Variants in WDR72 observed in about 807,000 individuals in gnomAD.
WDR72 encodes the protein WD repeat-containing protein 72.
WDR72 carries 120 observed loss-of-function variants against 124.2 expected under a neutral mutation model. That is an observed-to-expected ratio of 0.97 (90% CI 0.83 to 1.12). The LOEUF (loss-of-function observed/expected upper bound fraction) is 1.12, where lower values mean the gene tolerates loss of function less well. Ranked by LOEUF, WDR72 falls within the 50% of genes most tolerant of loss-of-function variation. The probability of loss-of-function intolerance (pLI) is 0.00; values close to 1 mark genes in which losing one functional copy is unlikely to be tolerated. For missense variants in WDR72, 1,387 were observed against 1,278.8 expected (o/e 1.08, Z -1.29); for synonymous variants, 452 against 441.7 (o/e 1.02, Z -0.29).
intron 18 of WDR72, among the ~76,000 whole-genome samples, chr15:53,573,606 C>T (rs987370177): frequency 6.6e-6 from 1 of 151,608 alleles, no homozygotes; most frequent in Non-Finnish European, 1.5e-5. Flanking sequence ...AGTGCAGTGG[C>T]ACGATCTCAG....
intron 1 of WDR72, among the ~76,000 whole-genome samples, chr15:53,736,050 T>TA (rs879337912): frequency 1.0e-4 from 15 of 150,034 alleles, no homozygotes; most frequent in Admixed American, 1.3e-4. Context: ...AAGAAGTCAT[T>TA]AAAAAAAAAT....
intron 14 of WDR72, among the ~76,000 whole-genome samples, chr15:53,632,020 G>C (rs1290779471): frequency 6.6e-6 from 1 of 152,138 alleles, no homozygotes; most frequent in Non-Finnish European, 1.5e-5. Flanking sequence ...AATTCAAGCA[G>C]GCTGCACAAA....
chr15:53,730,896 ATTT>A (rs1269673083), intron 2 of WDR72, among the ~76,000 whole-genome samples: 6 of 152,004 alleles, frequency 3.9e-5, no homozygotes, highest in African/African-American at 1.5e-4. Context: ...AGTGCCCTTG[ATTT>A]TTTTCAGTCT....
At chr15:53,709,950 C>T (rs1385010304) in intron 9 of WDR72, among the ~76,000 whole-genome samples, 1 of 152,160 alleles carries the variant, frequency 6.6e-6, no homozygotes, top group Non-Finnish European at 1.5e-5. Context: ...CTTCCACTCT[C>T]CATGAAATAA....
chr15:53,714,421 T>C lies in WDR72; in HGVS notation c.591+13A>G. 6.2e-7 allele frequency: 1 copy of C among 1,610,976 alleles called. No homozygotes were observed. The highest frequency in any genetic ancestry group is 8.5e-7 in the Non-Finnish European group (1 of 1,177,502). ...AAATTGTAAGGAAAAAAGAGTAGGG[T>C]TCCCAAGCCAACCTGAATGCTGTTG... On this transcript the variant is annotated intron_variant, in intron 6 of 19. Coordinates refer to ENST00000360509, the MANE Select transcript of WDR72 (RefSeq NM_182758.4).
chr15:53,557,896 G>C (rs911001086), intron 18 of WDR72, among the ~76,000 whole-genome samples: 1 of 152,024 alleles, frequency 6.6e-6, no homozygotes, highest in African/African-American at 2.4e-5. Flanking sequence ...ACAGATTGAG[G>C]AGGTGAGATT....
Position 53,626,284 on chromosome 15 carries a change from C to T in WDR72, c.1963-10041G>A, listed in dbSNP as rs1254936543. The stretch of plus-strand genomic sequence containing the variant: ...AGAAGCCGTGGGTCACGGAAGAGAA[C>T]CGTGGGACCCAGTGACTAGTGTTCA... On this transcript the variant is annotated intron_variant, in intron 14 of 19. Transcript: ENST00000360509. Among the ~76,000 whole-genome samples, 4 of 152,180 alleles carry T rather than the reference C, an allele frequency of 2.6e-5. No individual in the cohort carries two copies. In the South Asian group the frequency reaches 6.2e-4, roughly 24 times the overall value.
At chr15:53,718,184 C>G (rs1450245754) in intron 3 of WDR72, among the ~76,000 whole-genome samples, 3 of 149,582 alleles carry the variant, frequency 2.0e-5, no homozygotes, top group South Asian at 2.1e-4. Flanking sequence ...AATTCCATGA[C>G]TCTGTGTTGG....
chr15:53,536,386 T>C (rs1892763391), intron 18 of WDR72, among the ~76,000 whole-genome samples: 1 of 152,090 alleles, frequency 6.6e-6, no homozygotes, highest in Admixed American at 6.5e-5. Context: ...ATTGGCAAGA[T>C]GTAGTTAGAA....
In WDR72 at chr15:53,613,731, T is replaced by G. The variant is rs1490781559; in HGVS notation, c.2807A>C (p.Asn936Thr). 1 of 1,608,886 alleles carries G rather than the reference T, an allele frequency of 6.2e-7. No individual in the cohort carries two copies. The highest frequency in any genetic ancestry group is 1.1e-5 in the South Asian group (1 of 90,964). Residue 936 changes from asparagine to threonine, a missense_variant, in exon 16 of 20, where the codon AAT (asparagine) becomes ACT (threonine). Transcript: ENST00000360509. ...GSSFRMESIH[N>T]KMRGAGNDIL... is the part of the protein sequence containing the mutation. ...GTCATTCCCAGCACCTCTCATCTTA[T>G]TATGTATACTTTCCATTCTGAAAGA...
intron 1 of WDR72, among the ~76,000 whole-genome samples, chr15:53,749,876 C>T (rs1227773118): frequency 1.3e-5 from 2 of 152,130 alleles, no homozygotes; most frequent in East Asian, 1.9e-4. Context: ...CTCTAACTCT[C>T]CTCAATTTTA....
intron 1 of WDR72, among the ~76,000 whole-genome samples, chr15:53,743,969 G>A (rs1343230269): frequency 3.6e-5 from 4 of 111,464 alleles, no homozygotes; most frequent in Non-Finnish European, 5.6e-5. Context: ...AGCGAGACTC[G>A]TCTCAAAAAA....
intron 12 of WDR72, 21 bp downstream of exon 12, chr15:53,702,113 A>G: frequency 6.4e-7 from 1 of 1,573,636 alleles, no homozygotes; most frequent in Non-Finnish European, 8.7e-7. Flanking sequence ...TTTAGATGTT[A>G]TATTTTACTC....
At chr15:53,689,129 C>G (rs2016748949) in intron 13 of WDR72, among the ~76,000 whole-genome samples, 1 of 152,198 alleles carries the variant, frequency 6.6e-6, no homozygotes, top group Non-Finnish European at 1.5e-5. Flanking sequence ...AAAACCTAGG[C>G]ATTACCATTC....
At chr15:53,682,577 TCA>T (rs1237452633) in intron 13 of WDR72, among the ~76,000 whole-genome samples, 1 of 152,070 alleles carries the variant, frequency 6.6e-6, no homozygotes, top group Non-Finnish European at 1.5e-5. Context: ...ATAATCCAGG[TCA>T]CCTCTTGAAT....
intron 3 of WDR72, among the ~76,000 whole-genome samples, chr15:53,717,034 T>TAACC (rs2017733386): frequency 6.6e-6 from 1 of 151,876 alleles, no homozygotes; most frequent in Non-Finnish European, 1.5e-5. Flanking sequence ...GAACTTAAAC[T>TAACC]ACATATTCTG....
intron 1 of WDR72, among the ~76,000 whole-genome samples, chr15:53,754,387 G>T (rs1313113653): frequency 2.0e-5 from 3 of 152,044 alleles, no homozygotes; most frequent in African/African-American, 4.8e-5. Flanking sequence ...GAAAGGGCTT[G>T]CCTGAACCTA....
intron 1 of WDR72, among the ~76,000 whole-genome samples, chr15:53,753,897 C>A (rs1453594938): frequency 6.6e-6 from 1 of 152,074 alleles, no homozygotes; most frequent in Non-Finnish European, 1.5e-5. Context: ...AATCTAAATC[C>A]CCTGGCTACG....
chr15:53,723,365 T>G (rs1191967557), intron 2 of WDR72, among the ~76,000 whole-genome samples: 1 of 152,194 alleles, frequency 6.6e-6, no homozygotes, highest in Admixed American at 6.5e-5. Context: ...GGTACAGCTA[T>G]TTTTAAAAAC....
Sources: allele counts gnomAD v4.1 joint callset (sites outside exome capture counted in the v4.1 genomes callset), GRCh38; gene constraint gnomAD v4.1.1; transcripts MANE v1.5; gene names NCBI Gene and HGNC (gene_info 2026-07-23, HGNC 2026-07-21).